The following GPHN variants were observed in gnomAD, a reference collection of about 807,000 sequenced individuals.
GPHN encodes the protein gephyrin.
Under a neutral mutation model 95.5 loss-of-function variants are expected in GPHN, and 17 were observed. The observed-to-expected ratio is 0.18, with a 90% confidence interval of 0.12 to 0.27. The LOEUF (loss-of-function observed/expected upper bound fraction) is 0.27. Ranked by LOEUF, GPHN falls within the 10% of genes least tolerant of loss-of-function variation. GPHN has a pLI of 1.00. For missense variants in GPHN, 660 were observed against 978.1 expected (o/e 0.67, Z 4.34); for synonymous variants, 320 against 322.5 (o/e 0.99, Z 0.08).
chr14:66,629,392 C>T (rs1325538790), intron 1 of GPHN, among the ~76,000 whole-genome samples: 1 of 151,504 alleles, frequency 6.6e-6, no homozygotes, highest in East Asian at 1.9e-4. Context: ...CACTGTCTTC[C>T]ACCTCCTTAT....
At chr14:67,353,392 T>G in the GPHN span, among the ~76,000 whole-genome samples, 1 of 152,178 alleles carries the variant, frequency 6.6e-6, no homozygotes, top group Non-Finnish European at 1.5e-5. Context: ...TGGGTACACC[T>G]GTAATCCCAG....
chr14:67,423,191 T>C, the GPHN span, among the ~76,000 whole-genome samples: 1 of 151,922 alleles, frequency 6.6e-6, no homozygotes, highest in Non-Finnish European at 1.5e-5. Context: ...CAACAAACAT[T>C]CTCTCAAAAC....
At chr14:66,614,298 G>C (rs938129699) in intron 1 of GPHN, among the ~76,000 whole-genome samples, 2 of 152,142 alleles carry the variant, frequency 1.3e-5, no homozygotes, top group African/African-American at 4.8e-5. Context: ...AAACGAGTAA[G>C]AGGTACCAGA....
rs574427432 is a variant in GPHN, at chr14:66,508,268, C to G, written c.-260C>G. ...CTCCCCGTGCGGCCACCGCGCCCCC[C>G]AAGCTTGCCTCCTTCTTGCCGGACT... On this transcript the variant is annotated 5_prime_UTR_variant, in exon 1 of 23. Coordinates refer to ENST00000478722, the MANE Select transcript of GPHN (RefSeq NM_020806.5). The G allele has an allele frequency of 7.0e-6, 4 of 573,308 alleles. No homozygotes were observed. Among genetic ancestry groups the G allele is most frequent in the African/African-American group, 3.8e-5 (2 of 52,738 alleles). The allele number at this position is 573,308 out of a possible 1,614,324, so 35.5% of individuals were successfully genotyped here.
chr14:66,536,206 C>T (rs1483955065), intron 1 of GPHN, among the ~76,000 whole-genome samples: 1 of 152,182 alleles, frequency 6.6e-6, no homozygotes, highest in African/African-American at 2.4e-5. Flanking sequence ...CCACCTCGGC[C>T]TCCCAAAGTG....
At chr14:66,904,784 T>G (rs1248099709) in intron 5 of GPHN, among the ~76,000 whole-genome samples, 1 of 152,132 alleles carries the variant, frequency 6.6e-6, no homozygotes, top group African/African-American at 2.4e-5. Flanking sequence ...CCAGGGGTCC[T>G]CGGTAGAAGT....
intron 4 of GPHN, among the ~76,000 whole-genome samples, chr14:66,846,042 T>C (rs868095683): frequency 1.9e-4 from 29 of 152,164 alleles, no homozygotes; most frequent in Non-Finnish European, 3.1e-4. Flanking sequence ...TAAAAAATGA[T>C]GGACTTAGGA....
At chr14:67,686,258 C>G in the GPHN span, 4 of 152,192 alleles carry the variant, frequency 2.6e-5, no homozygotes, top group South Asian at 2.1e-4. Context: ...TTCTTCATCT[C>G]TAAAATGGGA....
the GPHN span, among the ~76,000 whole-genome samples, chr14:67,549,664 A>ACTCAT: frequency 2.0e-5 from 3 of 152,160 alleles, no homozygotes; most frequent in Non-Finnish European, 4.4e-5. Flanking sequence ...TGAGTTCTGT[A>ACTCAT]GTGCTCGTGA....
At chr14:66,882,841 C>G (rs1472142655) in intron 5 of GPHN, among the ~76,000 whole-genome samples, 2 of 149,552 alleles carry the variant, frequency 1.3e-5, no homozygotes, top group Non-Finnish European at 3.0e-5. Context: ...GTTGACTGTT[C>G]TTTTCTTTCA....
At chr14:67,196,842 C>T in the GPHN span, 2 of 152,272 alleles carry the variant, frequency 1.3e-5, no homozygotes, top group Admixed American at 1.3e-4. Flanking sequence ...CTTACAAGAA[C>T]TCTAACTCTT....
intron 1 of GPHN, among the ~76,000 whole-genome samples, chr14:66,588,749 A>G (rs140481069): frequency 0.012 from 1,848 of 152,292 alleles, 24 homozygotes; most frequent in Non-Finnish European, 0.018. Context: ...GACCAAACCT[A>G]TGTTTGATTG....
chr14:66,625,864 C>G (rs1255070766), intron 1 of GPHN, among the ~76,000 whole-genome samples: 3 of 152,136 alleles, frequency 2.0e-5, no homozygotes, highest in Non-Finnish European at 2.9e-5. Flanking sequence ...AATAGGGAGG[C>G]AATAAATATG....
the GPHN span, among the ~76,000 whole-genome samples, chr14:67,605,144 A>G: frequency 2.2e-4 from 34 of 152,276 alleles, no homozygotes; most frequent in Admixed American, 9.8e-4. Flanking sequence ...TGAATCTATC[A>G]ATCAATCTAA....
At chr14:66,876,365 CA>C (rs1334495337) in intron 4 of GPHN, among the ~76,000 whole-genome samples, 2 of 151,948 alleles carry the variant, frequency 1.3e-5, no homozygotes, top group Non-Finnish European at 2.9e-5. Flanking sequence ...CAAACAAATT[CA>C]AAAGCTAGCA....
the GPHN span, among the ~76,000 whole-genome samples, chr14:67,439,533 G>GTTTCTTTCTTTCTTTCTTTC: frequency 8.7e-4 from 84 of 96,136 alleles, 1 homozygote; most frequent in East Asian, 2.1e-3. Context: ...AAATTCAATA[G>GTTTCTTTCTTTCTTTCTTTC]TTTCTTTCTT....
intron 11 of GPHN, among the ~76,000 whole-genome samples, chr14:67,076,169 C>T (rs1049574326): frequency 2.0e-4 from 30 of 152,170 alleles, no homozygotes; most frequent in African/African-American, 7.0e-4. Flanking sequence ...CAGCCATCAA[C>T]ATGGAGGCAA....
At chr14:66,603,642 T>C (rs963290588) in intron 1 of GPHN, among the ~76,000 whole-genome samples, 12 of 152,122 alleles carry the variant, frequency 7.9e-5, no homozygotes, top group African/African-American at 2.6e-4. Flanking sequence ...AATTCTTATA[T>C]TGAATGTACC....
At chr14:67,385,791 ATATCAGT>A in the GPHN span, 1 of 150,864 alleles carries the variant, frequency 6.6e-6, no homozygotes, top group Non-Finnish European at 1.5e-5. Context: ...ACCATTTTTC[ATATCAGT>A]TATAGCAAAA....
Sources: gnomAD v4.1 joint callset for allele counts (sites outside exome capture counted in the v4.1 genomes callset) on GRCh38, gnomAD v4.1.1 for gene constraint, MANE v1.5 for transcripts, NCBI Gene and HGNC (gene_info 2026-07-23, HGNC 2026-07-21) for gene names.